The following NOCT variants were observed in gnomAD, a reference collection of about 807,000 sequenced individuals.
NOCT encodes the protein CCR4 carbon catabolite repression 4-like.
Under a neutral mutation model 35.0 loss-of-function variants are expected in NOCT, and 18 were observed. That is an observed-to-expected ratio of 0.51 (90% CI 0.36 to 0.76). The LOEUF (loss-of-function observed/expected upper bound fraction) is 0.76, where lower values mean the gene tolerates loss of function less well. Among genes scored for constraint, NOCT ranks in the 30% least tolerant of loss-of-function variants. The probability of loss-of-function intolerance (pLI) is 0.01; values close to 1 mark genes in which losing one functional copy is unlikely to be tolerated. For synonymous variants in NOCT, 235 were observed against 226.3 expected, an observed-to-expected ratio of 1.04 and a Z score of -0.34; for missense variants, 479 against 541.0, an observed-to-expected ratio of 0.89 and a Z score of 1.14.
intron 1 of NOCT, among the ~76,000 whole-genome samples, chr4:139,034,994 TC>T (rs35862236): frequency 6.6e-6 from 1 of 152,238 alleles, no homozygotes; most frequent in African/African-American, 2.4e-5. Flanking sequence ...AATGTTTGTT[TC>T]CAGTTTGTAA....
At chr4:139,016,378 G>C (rs1185716926) in intron 1 of NOCT, among the ~76,000 whole-genome samples, 1 of 152,132 alleles carries the variant, frequency 6.6e-6, no homozygotes, top group East Asian at 1.9e-4. Context: ...ATCAAAGCTA[G>C]TAAGAACTGG....
chr4:139,026,379 G>A, intron 1 of NOCT, among the ~76,000 whole-genome samples: 1 of 152,116 alleles, frequency 6.6e-6, no homozygotes, highest in East Asian at 1.9e-4. Flanking sequence ...GGGATTACAG[G>A]CATGAGCCAC....
chr4:139,015,873 G>C lies in NOCT; in HGVS notation c.-109G>C, dbSNP rs1726282276. ...CTGCGCCGCGCGAGAAGGAGCCTGG[G>C]AGCATCCGCCCACACTGCCCGGACA... On this transcript the variant is annotated 5_prime_UTR_variant, in exon 1 of 3. Coordinates refer to ENST00000280614, the MANE Select transcript of NOCT (RefSeq NM_012118.4). 1 of 875,380 alleles carries C rather than the reference G, an allele frequency of 1.1e-6. No homozygotes were observed. The highest frequency in any genetic ancestry group is 1.5e-6 in the Non-Finnish European group (1 of 664,844). The allele number at this position is 875,380 out of a possible 1,614,324, so 54.2% of individuals were successfully genotyped here.
In NOCT at chr4:139,045,707, G is replaced by A. The variant is rs1427127885; in HGVS notation, c.*233G>A. 18 of 394,628 alleles carry A rather than the reference G, an allele frequency of 4.6e-5. No individual in the cohort carries two copies. Among genetic ancestry groups the A allele is most frequent in the South Asian group, 9.7e-5 (2 of 20,608 alleles). 24.4% of individuals were successfully genotyped at this position (394,628 alleles called of 1,614,324 possible). On this transcript the variant is annotated 3_prime_UTR_variant, in exon 3 of 3. Transcript: ENST00000280614. ...AATTTTTTGTATTTTTAGTAGAGAC[G>A]GGGTTTCACCGTGTTAGCCAGGATG...
intron 1 of NOCT, among the ~76,000 whole-genome samples, chr4:139,036,672 A>T (rs1008626254): frequency 6.6e-6 from 1 of 152,074 alleles, no homozygotes; most frequent in Non-Finnish European, 1.5e-5. Context: ...ATACTTGCCA[A>T]TTTTTTTAGG....
At chr4:139,044,581 G>T (rs888070195) in intron 2 of NOCT, 58 bp from the exon 3 acceptor site, 28 of 1,082,010 alleles carry the variant, frequency 2.6e-5, no homozygotes, top group Non-Finnish European at 3.6e-5. Context: ...AAACCTCCTG[G>T]GTACTTTGAA....
chr4:139,039,323 T>C (rs1726793612), intron 1 of NOCT, among the ~76,000 whole-genome samples: 1 of 152,122 alleles, frequency 6.6e-6, no homozygotes, highest in African/African-American at 2.4e-5. Flanking sequence ...TGTTACTTCA[T>C]TTTCTTCTCA....
At chr4:139,039,212 A>G (rs1012561845) in intron 1 of NOCT, among the ~76,000 whole-genome samples, 6 of 145,986 alleles carry the variant, frequency 4.1e-5, no homozygotes, top group Non-Finnish European at 7.5e-5. Flanking sequence ...GAGGACTGCC[A>G]ATCCTTGCTT....
intron 1 of NOCT, 69 bp downstream of exon 1, chr4:139,016,240 C>T: frequency 9.4e-7 from 1 of 1,069,108 alleles, no homozygotes. Flanking sequence ...CTGGAGACCG[C>T]GCGGAATGAA....
At chr4:139,035,359 C>T (rs1474373036) in intron 1 of NOCT, among the ~76,000 whole-genome samples, 3 of 152,168 alleles carry the variant, frequency 2.0e-5, no homozygotes, top group Admixed American at 6.6e-5. Flanking sequence ...TGGTCTCAAA[C>T]TCCTGACCCT....
At chr4:139,043,014 T>G in intron 1 of NOCT, 60 bp from the exon 2 acceptor site, 1 of 1,480,120 alleles carries the variant, frequency 6.8e-7, no homozygotes, top group Non-Finnish European at 9.2e-7. Context: ...CTTACAGTTG[T>G]GCTGGGCGAG....
intron 1 of NOCT, among the ~76,000 whole-genome samples, chr4:139,037,349 G>A (rs1040476043): frequency 6.6e-6 from 1 of 152,216 alleles, no homozygotes; most frequent in Non-Finnish European, 1.5e-5. Flanking sequence ...TACATGAGTA[G>A]TGTTATCACA....
At chr4:139,044,499 A>G (rs1726897607) in intron 2 of NOCT, 140 bp from the exon 3 acceptor site, 8 of 609,774 alleles carry the variant, frequency 1.3e-5, no homozygotes, top group Non-Finnish European at 2.9e-6. Flanking sequence ...GGATGGGGTA[A>G]TACAGTTTGG....
In NOCT at chr4:139,040,064, G is replaced by A. The variant is rs1307670727; in HGVS notation, c.191-3010G>A. Reference sequence around the variant, plus strand: ...TTTCTTTTTTTTTTTTTTTTGAGACGGAGTCTCGGTCTGTCGCCCAGGCTG... The same window carrying A: ...TTTCTTTTTTTTTTTTTTTTGAGACAGAGTCTCGGTCTGTCGCCCAGGCTG... On this transcript the variant is annotated intron_variant, in intron 1 of 2. Coordinates refer to ENST00000280614, the MANE Select transcript of NOCT (RefSeq NM_012118.4). Among the ~76,000 whole-genome samples, 4 of 133,382 alleles carry A rather than the reference G, an allele frequency of 3.0e-5. No homozygotes were observed. The East Asian group carries it at 6.7e-4, about 22-fold the overall frequency. The allele number at this position is 133,382 out of a possible 152,430, so 87.5% of individuals were successfully genotyped here.
Position 139,044,830 on chromosome 4 carries a change from C to G in NOCT, c.652C>G (p.Pro218Ala). The change falls in exon 3 of 3, where the codon CCC (proline) becomes GCC (alanine). Residue 218 changes from proline to alanine, a missense_variant. Transcript: ENST00000280614. ...SRLGYQGTFFPKPWSPCLDVE... is the reference protein window; with the variant it reads ...SRLGYQGTFFAKPWSPCLDVE... ...ACTAGGCTATCAAGGCACGTTTTTC[C>G]CCAAACCCTGGTCACCTTGTCTAGA... The G allele has an allele frequency of 6.2e-7, 1 of 1,614,178 alleles. No individual in the cohort carries two copies. The highest frequency in any genetic ancestry group is 8.5e-7 in the Non-Finnish European group (1 of 1,180,036).
chr4:139,035,969 A>G (rs1336363383), intron 1 of NOCT, among the ~76,000 whole-genome samples: 1 of 151,986 alleles, frequency 6.6e-6, no homozygotes, highest in Non-Finnish European at 1.5e-5. Context: ...CTCAAATTCC[A>G]TCTTTTGGCG....
Position 139,015,918 on chromosome 4 carries a change from C to A in NOCT, c.-64C>A. 1 of 1,248,110 alleles carries A rather than the reference C, an allele frequency of 8.0e-7. No homozygotes were observed. Among genetic ancestry groups the A allele is most frequent in the Non-Finnish European group, 1.0e-6 (1 of 983,290 alleles). The allele number at this position is 1,248,110 out of a possible 1,614,324, so 77.3% of individuals were successfully genotyped here. On this transcript the variant is annotated 5_prime_UTR_variant, in exon 1 of 3. Transcript: ENST00000280614. ...CGGACAGTCGGCTCGACTCGGTGCC[C>A]TCGGCCCCAGCCGGGCTCCGCTCCT...
intron 1 of NOCT, among the ~76,000 whole-genome samples, chr4:139,024,042 A>C (rs1349343789): frequency 3.0e-5 from 3 of 101,196 alleles, no homozygotes; most frequent in Non-Finnish European, 4.0e-5. Flanking sequence ...GTGTCTATTC[A>C]TCCTTTTTTT....
chr4:139,024,490 C>G (rs181559592), intron 1 of NOCT, among the ~76,000 whole-genome samples: 1 of 152,128 alleles, frequency 6.6e-6, no homozygotes, highest in African/African-American at 2.4e-5. Flanking sequence ...TGTTTTGTGT[C>G]TATAATGTCT....
Sources: gnomAD v4.1 joint callset for allele counts (sites outside exome capture counted in the v4.1 genomes callset) on GRCh38, gnomAD v4.1.1 for gene constraint, MANE v1.5 for transcripts, NCBI Gene and HGNC (gene_info 2026-07-23, HGNC 2026-07-21) for gene names.